Variants in DNER observed in about 807,000 individuals in gnomAD.
DNER encodes delta and Notch-like epidermal growth factor-related receptor.
A neutral mutation model predicts 78.2 loss-of-function variants in DNER; 33 were observed. The ratio of observed to expected loss-of-function variants is 0.42; its 90% CI spans 0.32 to 0.56. The LOEUF is 0.56. Ranked by LOEUF, DNER falls within the 20% of genes least tolerant of loss-of-function variation. DNER has a pLI of 0.11. For missense variants in DNER, 918 were observed against 975.3 expected (o/e 0.94, Z 0.78); for synonymous variants, 417 against 384.8 (o/e 1.08, Z -0.98).
At chr2:229,681,827 A>AACAC (rs72248647) in intron 1 of DNER, among the ~76,000 whole-genome samples, 29,110 of 144,126 alleles carry the variant, frequency 0.2, 3,162 homozygotes, top group South Asian at 0.35. Context: ...CTCTGCCTAA[A>AACAC]ACACACACAC....
intron 1 of DNER, among the ~76,000 whole-genome samples, chr2:229,636,689 C>A (rs556863717): frequency 1.3e-5 from 2 of 152,128 alleles, no homozygotes; most frequent in African/African-American, 4.8e-5. Flanking sequence ...GAACTTGTTC[C>A]CCCAAACCAG....
At chr2:229,467,830 C>A (rs561197721) in intron 7 of DNER, among the ~76,000 whole-genome samples, 1 of 151,688 alleles carries the variant, frequency 6.6e-6, no homozygotes, top group African/African-American at 2.4e-5. Flanking sequence ...TTAAATCTGA[C>A]AAGAAAAAAA....
intron 8 of DNER, among the ~76,000 whole-genome samples, chr2:229,445,344 G>C (rs1694318405): frequency 6.6e-6 from 1 of 152,176 alleles, no homozygotes. Flanking sequence ...GGAGAGCATG[G>C]AGGTCAACCA....
intron 1 of DNER, among the ~76,000 whole-genome samples, chr2:229,690,280 C>A (rs35131486): frequency 0.21 from 31,576 of 152,114 alleles, 3,523 homozygotes; most frequent in East Asian, 0.36. Context: ...TGGAGAGAGG[C>A]AGACTGTTTT....
intron 7 of DNER, among the ~76,000 whole-genome samples, chr2:229,469,999 G>A (rs1258652236): frequency 6.6e-6 from 1 of 152,118 alleles, no homozygotes; most frequent in Non-Finnish European, 1.5e-5. Flanking sequence ...ACACATAGGA[G>A]GCACTCAACA....
intron 4 of DNER, among the ~76,000 whole-genome samples, chr2:229,568,369 T>C (rs10185963): frequency 0.031 from 4,649 of 152,246 alleles, 260 homozygotes; most frequent in African/African-American, 0.11. Context: ...CCATTTCTAA[T>C]GTCATTTTTA....
At chr2:229,702,891 TG>T in intron 1 of DNER, among the ~76,000 whole-genome samples, 1 of 114,684 alleles carries the variant, frequency 8.7e-6, no homozygotes, top group Non-Finnish European at 1.6e-5. Context: ...CACTCCAGCC[TG>T]GGGGACACAG....
chr2:229,382,966 T>C (rs1250453010), intron 11 of DNER, among the ~76,000 whole-genome samples: 1 of 152,008 alleles, frequency 6.6e-6, no homozygotes, highest in Non-Finnish European at 1.5e-5. Flanking sequence ...AATCATCAGA[T>C]TCACCACAAT....
intron 8 of DNER, among the ~76,000 whole-genome samples, chr2:229,446,635 C>T (rs1305609113): frequency 9.9e-5 from 15 of 152,158 alleles, no homozygotes; most frequent in Admixed American, 7.2e-4. Context: ...AGGGCTGCCC[C>T]GTGCATTCCT....
intron 1 of DNER, among the ~76,000 whole-genome samples, chr2:229,635,591 T>C (rs1244287651): frequency 6.6e-6 from 1 of 152,124 alleles, no homozygotes; most frequent in African/African-American, 2.4e-5. Flanking sequence ...AGTTAGCCCA[T>C]AGCATAATTG....
At chr2:229,464,803 GGAGA>G (rs2154210959) in intron 7 of DNER, among the ~76,000 whole-genome samples, 1 of 152,244 alleles carries the variant, frequency 6.6e-6, no homozygotes, top group Admixed American at 6.5e-5. Flanking sequence ...GACACAAGGG[GGAGA>G]GAGAGCCATG....
chr2:229,633,013 G>A (rs1323930624), intron 1 of DNER, among the ~76,000 whole-genome samples: 1 of 152,116 alleles, frequency 6.6e-6, no homozygotes, highest in African/African-American at 2.4e-5. Context: ...CTGTAAAACT[G>A]ATCTCAACAT....
chr2:229,370,157 G>A (rs1447972299), intron 11 of DNER, among the ~76,000 whole-genome samples: 4 of 152,090 alleles, frequency 2.6e-5, no homozygotes, highest in Non-Finnish European at 5.9e-5. Context: ...TCCTTACCTT[G>A]AAAAGCTGCA....
intron 1 of DNER, among the ~76,000 whole-genome samples, chr2:229,636,227 G>A (rs892264218): frequency 2.6e-5 from 4 of 152,186 alleles, no homozygotes; most frequent in African/African-American, 9.7e-5. Context: ...GCTGCCCAAT[G>A]CACAGTTCTC....
intron 4 of DNER, among the ~76,000 whole-genome samples, chr2:229,568,905 C>T (rs1029786781): frequency 2.6e-5 from 4 of 152,270 alleles, no homozygotes; most frequent in East Asian, 3.9e-4. Flanking sequence ...ATTATACCTA[C>T]CAAATCTTGT....
intron 2 of DNER, among the ~76,000 whole-genome samples, chr2:229,590,593 A>T (rs971008792): frequency 6.6e-6 from 1 of 152,194 alleles, no homozygotes; most frequent in African/African-American, 2.4e-5. Flanking sequence ...TTAGATCAGC[A>T]GGGCACAGGG....
Position 229,666,857 on chromosome 2 carries a change from A to G in DNER, c.276+47291T>C, listed in dbSNP as rs114604353. 5.7e-3 allele frequency among the ~76,000 whole-genome samples: 872 copies of G among 152,298 alleles called. 17 individuals carry two copies. The highest frequency in any genetic ancestry group is 1.0e-2 in the South Asian group (48 of 4,824). ...CTCAGGGATAACTCCCTCTAACACC[A>G]GTTCTTCTGCCTGGACTTCTGGCTG... On this transcript the variant is annotated intron_variant, in intron 1 of 12. Transcript: ENST00000341772.
intron 6 of DNER, among the ~76,000 whole-genome samples, chr2:229,504,732 C>A (rs1695699934): frequency 6.6e-6 from 1 of 152,178 alleles, no homozygotes; most frequent in Admixed American, 6.5e-5. Context: ...ACTCAGCACA[C>A]CACATAGTTG....
chr2:229,539,751 T>C (rs1371759998), intron 5 of DNER, among the ~76,000 whole-genome samples: 1 of 152,196 alleles, frequency 6.6e-6, no homozygotes, highest in African/African-American at 2.4e-5. Context: ...GTCACTAATG[T>C]CGAAGAGCTC....
Sources: allele counts gnomAD v4.1 joint callset (sites outside exome capture counted in the v4.1 genomes callset), GRCh38; gene constraint gnomAD v4.1.1; transcripts MANE v1.5; gene names NCBI Gene and HGNC (gene_info 2026-07-23, HGNC 2026-07-21).